The following GSTCD variants were observed in gnomAD, a reference collection of about 807,000 sequenced individuals.
The protein encoded by GSTCD is glutathione S-transferase C-terminal domain containing.
GSTCD carries 44 observed loss-of-function variants against 68.3 expected under a neutral mutation model. That is an observed-to-expected ratio of 0.64 (90% CI 0.51 to 0.83). The LOEUF (loss-of-function observed/expected upper bound fraction) is 0.83. Among genes scored for constraint, GSTCD ranks in the 40% least tolerant of loss-of-function variants. GSTCD has a pLI of 0.00. For synonymous variants in GSTCD, 273 were observed against 255.2 expected, an observed-to-expected ratio of 1.07 and a Z score of -0.67; for missense variants, 739 against 735.9, an observed-to-expected ratio of 1.00 and a Z score of -0.05.
At chr4:105,737,213 A>T (rs1285891551) in intron 5 of GSTCD, among the ~76,000 whole-genome samples, 1 of 152,194 alleles carries the variant, frequency 6.6e-6, no homozygotes, top group African/African-American at 2.4e-5. Flanking sequence ...CCAACAGTAT[A>T]TAAGTTTCCC....
intron 5 of GSTCD, among the ~76,000 whole-genome samples, chr4:105,786,898 G>A (rs1029138254): frequency 5.3e-5 from 8 of 152,072 alleles, no homozygotes; most frequent in Non-Finnish European, 7.3e-5. Context: ...CGTTAGGAAT[G>A]TAAAATGTTG....
At chr4:105,785,952 A>G (rs766186402) in intron 5 of GSTCD, among the ~76,000 whole-genome samples, 7 of 152,200 alleles carry the variant, frequency 4.6e-5, no homozygotes, top group Non-Finnish European at 7.4e-5. Context: ...TGCACCTGCA[A>G]TGAACAATCT....
intron 5 of GSTCD, among the ~76,000 whole-genome samples, chr4:105,764,487 C>T (rs1047052537): frequency 6.6e-6 from 1 of 152,192 alleles, no homozygotes; most frequent in African/African-American, 2.4e-5. Flanking sequence ...AAGTTTTTCA[C>T]ATTTCTGGAA....
chr4:105,729,423 G>A lies in GSTCD; in HGVS notation c.1164G>A (p.Val388=), dbSNP rs1733152512. Residue 388 remains valine (V), a synonymous_variant, in exon 5 of 12, where the codon GTG becomes GTA. Coordinates refer to ENST00000515279, the MANE Select transcript of GSTCD (RefSeq NM_001370181.1). ...MAKLMEKGIE[V]MFSPHPCPTW... is the part of the protein sequence containing the mutation. ...TTTTCTAGGAAAAGGGCATTGAAGT[G>A]ATGTTTTCTCCCCACCCTTGCCCTA... is the stretch of plus-strand genomic sequence containing the variant. The A allele has an allele frequency of 6.2e-7, 1 of 1,608,626 alleles. No homozygotes were observed. Among genetic ancestry groups the A allele is most frequent in the African/African-American group, 1.3e-5 (1 of 74,804 alleles).
intron 5 of GSTCD, among the ~76,000 whole-genome samples, chr4:105,782,442 T>G (rs1735311335): frequency 6.6e-6 from 1 of 152,050 alleles, no homozygotes; most frequent in Non-Finnish European, 1.5e-5. Context: ...CAGTGAGCCA[T>G]GTTCATGCCA....
At chr4:105,796,056 G>T (rs1358945389) in intron 5 of GSTCD, among the ~76,000 whole-genome samples, 1 of 152,106 alleles carries the variant, frequency 6.6e-6, no homozygotes, top group Non-Finnish European at 1.5e-5. Flanking sequence ...TTTTCATACT[G>T]CTGGTAAAGA....
chr4:105,721,967 A>G (rs1732869912), intron 3 of GSTCD, among the ~76,000 whole-genome samples: 1 of 152,192 alleles, frequency 6.6e-6, no homozygotes, highest in Non-Finnish European at 1.5e-5. Flanking sequence ...GCAAAATCCT[A>G]CTGTTCCAAT....
At chr4:105,746,560 A>G (rs188691547) in intron 5 of GSTCD, 1 of 152,352 alleles carries the variant, frequency 6.6e-6, no homozygotes, top group African/African-American at 2.4e-5. Flanking sequence ...AACAAGAATT[A>G]TGAACTGGTA....
intron 5 of GSTCD, among the ~76,000 whole-genome samples, chr4:105,798,698 T>C (rs919800999): frequency 6.6e-6 from 1 of 152,224 alleles, no homozygotes; most frequent in African/African-American, 2.4e-5. Context: ...TCAATAATGG[T>C]CTTGAAATAT....
chr4:105,709,348 T>C (rs1188504954), intron 1 of GSTCD: 1 of 152,326 alleles, frequency 6.6e-6, no homozygotes, highest in African/African-American at 2.4e-5. Flanking sequence ...TGATATTTGC[T>C]GTTAAGTGTT....
chr4:105,767,932 G>GT (rs528610515), intron 5 of GSTCD, among the ~76,000 whole-genome samples: 814 of 6,926 alleles, frequency 0.12, 6 homozygotes, highest in African/African-American at 0.19. Context: ...AAAATGATGT[G>GT]TTTTTTTTCA....
At chr4:105,788,786 ATAT>A (rs1287334045) in intron 5 of GSTCD, among the ~76,000 whole-genome samples, 1 of 152,062 alleles carries the variant, frequency 6.6e-6, no homozygotes, top group Non-Finnish European at 1.5e-5. Flanking sequence ...GATATTTTGT[ATAT>A]TATTGACATT....
At chr4:105,838,147 G>A (rs1261779387) in intron 10 of GSTCD, among the ~76,000 whole-genome samples, 1 of 152,192 alleles carries the variant, frequency 6.6e-6, no homozygotes, top group Non-Finnish European at 1.5e-5. Flanking sequence ...GCTGGCAGAA[G>A]ATATGAGACC....
At position 105,839,054 on chromosome 4, in the gene GSTCD, GCT is replaced by G. The variant is rs552944624; in HGVS notation, c.1695+1168_1695+1169del. Among the ~76,000 whole-genome samples the G allele has an allele frequency of 1.4e-4, 22 of 152,146 alleles. No individual in the cohort carries two copies. The East Asian group carries it at 4.1e-3, about 28-fold the overall frequency. On this transcript the variant is annotated intron_variant, in intron 10 of 11. Coordinates refer to ENST00000515279, the MANE Select transcript of GSTCD (RefSeq NM_001370181.1). ...TTTATAACTCAAATGCCCACTTCCA[GCT>G]CTGTCTCTTACCACCTTATGTGCTA...
In GSTCD at chr4:105,847,049, A is replaced by G. The variant is rs183300655; in HGVS notation, c.*1472A>G. 1.8e-3 allele frequency: 274 copies of G among 152,298 alleles called. No individual in the cohort carries two copies. The highest frequency in any genetic ancestry group is 6.3e-3 in the African/African-American group (262 of 41,558). The allele number at this position is 152,298 out of a possible 1,614,324, so 9.4% of individuals were successfully genotyped here. ...ATTTATATATTTCTGGGTAAAACTT[A>G]TTAGTGGTGTGAGGAGTGCAGAATA... On this transcript the variant is annotated 3_prime_UTR_variant, in exon 12 of 12. Coordinates refer to ENST00000515279, the MANE Select transcript of GSTCD (RefSeq NM_001370181.1).
intron 5 of GSTCD, among the ~76,000 whole-genome samples, chr4:105,815,760 G>GA (rs1722952168): frequency 6.6e-6 from 1 of 152,056 alleles, no homozygotes; most frequent in Non-Finnish European, 1.5e-5. Flanking sequence ...TTAAGCCTCT[G>GA]AAAAAGAGGG....
intron 5 of GSTCD, among the ~76,000 whole-genome samples, chr4:105,735,042 C>A (rs1733408516): frequency 6.6e-6 from 1 of 152,216 alleles, no homozygotes; most frequent in Non-Finnish European, 1.5e-5. Flanking sequence ...CCTCTGGAAG[C>A]TTCGTCTCAG....
At chr4:105,720,341 G>A (rs963965072) in intron 3 of GSTCD, among the ~76,000 whole-genome samples, 1 of 152,048 alleles carries the variant, frequency 6.6e-6, no homozygotes, top group Non-Finnish European at 1.5e-5. Context: ...TTTTGTTTGG[G>A]TTTTTTTCTT....
chr4:105,711,332 A>G (rs1732529903), intron 1 of GSTCD, among the ~76,000 whole-genome samples: 1 of 152,254 alleles, frequency 6.6e-6, no homozygotes, highest in Non-Finnish European at 1.5e-5. Flanking sequence ...TGATATGCAC[A>G]TGGATTAAGG....
Sources: gnomAD v4.1 joint callset for allele counts (sites outside exome capture counted in the v4.1 genomes callset) on GRCh38, gnomAD v4.1.1 for gene constraint, MANE v1.5 for transcripts, NCBI Gene and HGNC (gene_info 2026-07-23, HGNC 2026-07-21) for gene names.